MEIOSIN: variants seen among roughly 807,000 people sequenced by gnomAD.
MEIOSIN encodes meiosis initiator protein.
In MEIOSIN, 18 loss-of-function variants were observed where a neutral mutation model predicts 23.4. That is an observed-to-expected ratio of 0.77 (90% CI 0.53 to 1.14). The LOEUF is 1.14. Among genes scored for constraint, MEIOSIN ranks in the 50% most tolerant of loss-of-function variants. The pLI, the probability that MEIOSIN is intolerant of heterozygous loss-of-function variation, is 0.00. For missense variants in MEIOSIN, 428 were observed against 242.9 expected (o/e 1.76, Z -5.07); for synonymous variants, 187 against 100.6 (o/e 1.86, Z -5.14).
chr19:45,743,898 C>G (rs1445697580), intron 3 of MEIOSIN, among the ~76,000 whole-genome samples: 3 of 152,006 alleles, frequency 2.0e-5, no homozygotes, highest in Non-Finnish European at 4.4e-5. Context: ...CTCAAGTGAT[C>G]CTCCCACCCT....
At chr19:45,746,356 T>C (rs1968595589) in intron 4 of MEIOSIN, among the ~76,000 whole-genome samples, 1 of 152,310 alleles carries the variant, frequency 6.6e-6, no homozygotes, top group East Asian at 1.9e-4. Context: ...TGCCAACTTC[T>C]GGGGGCTGCC....
At chr19:45,747,442 T>A (rs1027736016) in intron 4 of MEIOSIN, among the ~76,000 whole-genome samples, 2 of 152,194 alleles carry the variant, frequency 1.3e-5, no homozygotes, top group Non-Finnish European at 2.9e-5. Context: ...CCTCTGACCA[T>A]GAACACCCCC....
chr19:45,760,520 C>A (rs1250958985), intron 11 of MEIOSIN, among the ~76,000 whole-genome samples: 1 of 152,066 alleles, frequency 6.6e-6, no homozygotes. Context: ...GCAGAAGAAT[C>A]GCTTAAACCT....
intron 8 of MEIOSIN, among the ~76,000 whole-genome samples, chr19:45,756,860 C>T (rs967913132): frequency 6.6e-6 from 1 of 152,168 alleles, no homozygotes; most frequent in African/African-American, 2.4e-5. Context: ...CTGCGCCAGC[C>T]CCTCTGAGCT....
chr19:45,736,333 C>T (rs1243564616), intron 2 of MEIOSIN, among the ~76,000 whole-genome samples: 6 of 152,064 alleles, frequency 3.9e-5, no homozygotes, highest in Admixed American at 6.6e-5. Flanking sequence ...TAAGCCACCA[C>T]GCCCAACTGA....
In MEIOSIN at chr19:45,733,817, C is replaced by T. The variant is rs1352961486; in HGVS notation, c.-1+151C>T. Reference sequence around the variant, plus strand: ...CATGCTCTGGGTGCAGGGCCACGGGCGACGGAGTTTGGGTTTGAAGCCGGG... The same window carrying T: ...CATGCTCTGGGTGCAGGGCCACGGGTGACGGAGTTTGGGTTTGAAGCCGGG... On this transcript the variant is annotated intron_variant, in intron 1 of 14. Coordinates refer to ENST00000457052, the MANE Select transcript of MEIOSIN (RefSeq NM_001310124.2). The surrounding 1 kb of genome is among the most constrained non-coding windows in gnomAD (Gnocchi z 5.7). 6.6e-6 allele frequency among the ~76,000 whole-genome samples: 1 copy of T among 152,084 alleles called. No homozygotes were observed. The highest frequency in any genetic ancestry group is 1.5e-5 in the Non-Finnish European group (1 of 68,014).
intron 4 of MEIOSIN, among the ~76,000 whole-genome samples, chr19:45,746,564 G>A (rs779001226): frequency 1.3e-5 from 2 of 151,914 alleles, no homozygotes; most frequent in South Asian, 2.1e-4. Flanking sequence ...TTAACACAGC[G>A]GGCTCAGTAG....
intron 1 of MEIOSIN, among the ~76,000 whole-genome samples, chr19:45,735,146 G>A (rs1040562772): frequency 1.2e-4 from 19 of 152,118 alleles, no homozygotes; most frequent in South Asian, 6.2e-4. Flanking sequence ...TGCCTGCCTC[G>A]GCCTCCCAGA....
At chr19:45,739,778 A>G (rs1269598603) in intron 3 of MEIOSIN, 48 bp downstream of exon 3, 5 of 702,806 alleles carry the variant, frequency 7.1e-6, no homozygotes, top group South Asian at 5.9e-5. Context: ...AAGCAAAAAC[A>G]TAGCCCATTG....
chr19:45,750,391 G>A (rs1469098282), intron 4 of MEIOSIN, among the ~76,000 whole-genome samples: 23 of 130,494 alleles, frequency 1.8e-4, no homozygotes, highest in Middle Eastern at 5.9e-3. Context: ...ACAGAGTCTC[G>A]CTATGTTGCC....
Position 45,753,709 on chromosome 19 carries a change from C to A in MEIOSIN, c.477C>A (p.Ser159=), listed in dbSNP as rs1336518770. 2 of 703,004 alleles carry A rather than the reference C, an allele frequency of 2.8e-6. No individual in the cohort carries two copies. Among genetic ancestry groups the A allele is most frequent in the Non-Finnish European group, 5.2e-6 (2 of 384,980 alleles). 43.5% of individuals were successfully genotyped at this position (703,004 alleles called of 1,614,324 possible). A position where few individuals can be genotyped will look rare whatever the true frequency, so the allele number is the denominator to read the frequency against. ...GGCGGAGGAGACACTCTACCCCCTC[C>A]AGCTCCCCAAGCTCTCAGAAGTCCT... The part of the protein sequence containing the change: ...PARRRRHSTP[S]SSPSSQKSCL... The change falls in exon 6 of 15, where the codon TCC becomes TCA. Residue 159 remains serine, a synonymous_variant. Transcript: ENST00000457052.
intron 4 of MEIOSIN, among the ~76,000 whole-genome samples, chr19:45,746,168 T>C (rs1968592382): frequency 6.6e-6 from 1 of 152,062 alleles, no homozygotes; most frequent in South Asian, 2.1e-4. Context: ...GGTTTTACCA[T>C]GTTGCCCAGG....
At chr19:45,754,070 A>G (rs963744342) in intron 6 of MEIOSIN, among the ~76,000 whole-genome samples, 2 of 151,958 alleles carry the variant, frequency 1.3e-5, no homozygotes, top group African/African-American at 4.8e-5. Flanking sequence ...TCTGCCTCCC[A>G]GGTTGAAACG....
chr19:45,744,366 C>G (rs1188480626), intron 3 of MEIOSIN, among the ~76,000 whole-genome samples: 25 of 151,962 alleles, frequency 1.6e-4, no homozygotes, highest in Non-Finnish European at 2.9e-5. Context: ...TTTTCTTTAT[C>G]ACGGCTAGCT....
At chr19:45,753,935 C>A in intron 6 of MEIOSIN, 147 bp downstream of exon 6, 2 of 588,106 alleles carry the variant, frequency 3.4e-6, no homozygotes, top group East Asian at 2.8e-5. Flanking sequence ...AGCACTGAGG[C>A]CTCACACCCG....
At chr19:45,741,344 CG>C (rs1245902479) in intron 3 of MEIOSIN, among the ~76,000 whole-genome samples, 2 of 147,884 alleles carry the variant, frequency 1.4e-5, no homozygotes, top group Non-Finnish European at 3.0e-5. Flanking sequence ...GACTCTGTCT[CG>C]GGGGAAAAAA....
At chr19:45,749,482 T>C (rs185273727) in intron 4 of MEIOSIN, among the ~76,000 whole-genome samples, 2 of 151,038 alleles carry the variant, frequency 1.3e-5, no homozygotes, top group African/African-American at 4.9e-5. Flanking sequence ...GAGACCATTC[T>C]GGCTAACATG....
At chr19:45,749,166 T>G (rs1255102808) in intron 4 of MEIOSIN, among the ~76,000 whole-genome samples, 3 of 150,640 alleles carry the variant, frequency 2.0e-5, no homozygotes, top group African/African-American at 7.3e-5. Flanking sequence ...AGCCCAGGAG[T>G]TTGAGACCAG....
chr19:45,737,479 C>G (rs1968426506), intron 2 of MEIOSIN, among the ~76,000 whole-genome samples: 1 of 151,152 alleles, frequency 6.6e-6, no homozygotes, highest in Non-Finnish European at 1.5e-5. Context: ...CTGGCTCTTT[C>G]TTTTTAGACA....
Sources: allele counts gnomAD v4.1 joint callset (sites outside exome capture counted in the v4.1 genomes callset), GRCh38; gene constraint gnomAD v4.1.1; non-coding constraint Gnocchi (gnomAD v3.1); transcripts MANE v1.5; gene names NCBI Gene and HGNC (gene_info 2026-07-23, HGNC 2026-07-21).